The following MON2 variants were observed in gnomAD, a reference collection of about 807,000 sequenced individuals.
The protein encoded by MON2 is MON2 regulator of endosome-to-Golgi trafficking.
In MON2, 84 loss-of-function variants were observed where a neutral mutation model predicts 208.6. The ratio of observed to expected loss-of-function variants is 0.40; its 90% CI spans 0.34 to 0.48. The LOEUF is 0.48. MON2 is among the 20% of genes least tolerant of loss of function. The pLI, the probability that MON2 is intolerant of heterozygous loss-of-function variation, is 0.59. For missense variants in MON2, 1,611 were observed against 2,015.4 expected (o/e 0.80, Z 3.84); for synonymous variants, 660 against 694.0 (o/e 0.95, Z 0.77).
chr12:62,547,140 C>T (rs2073521783), intron 22 of MON2, 68 bp downstream of exon 22: 1 of 1,107,946 alleles, frequency 9.0e-7, no homozygotes, highest in African/African-American at 1.6e-5. Context: ...ATAAAATTAA[C>T]ATCAAAAAAG....
intron 22 of MON2, among the ~76,000 whole-genome samples, chr12:62,547,593 T>A (rs760714801): frequency 6.6e-6 from 1 of 152,238 alleles, no homozygotes; most frequent in Non-Finnish European, 1.5e-5. Flanking sequence ...GTAGTTATTC[T>A]GATTACACAG....
At position 62,580,423 on chromosome 12, in the gene MON2, A is replaced by T. The variant is rs757204378; in HGVS notation, c.4699+3A>T. On this transcript the variant is annotated splice_donor_region_variant and intron_variant, in intron 32 of 34. Transcript: ENST00000393630. ...TTCTCAGTCATCTTCATTTACAGGT[A>T]TGTTAATTTTTTTAAGTATTAAAAA... is the stretch of plus-strand genomic sequence containing the variant. The T allele has an allele frequency of 1.9e-6, 3 of 1,588,768 alleles. No homozygotes were observed. The highest frequency in any genetic ancestry group is 8.6e-7 in the Non-Finnish European group (1 of 1,163,768).
At chr12:62,492,146 A>G (rs1245479174) in intron 2 of MON2, among the ~76,000 whole-genome samples, 2 of 152,216 alleles carry the variant, frequency 1.3e-5, no homozygotes, top group African/African-American at 4.8e-5. Context: ...CGCAGGCTGT[A>G]GGAAGTTGTA....
chr12:62,524,087 A>C (rs2072211001), intron 8 of MON2, among the ~76,000 whole-genome samples: 2 of 152,096 alleles, frequency 1.3e-5, no homozygotes, highest in Admixed American at 1.3e-4. Flanking sequence ...TATACTAAGC[A>C]CCCTTTGGCT....
chr12:62,479,621 T>G (rs990825923), intron 1 of MON2, among the ~76,000 whole-genome samples: 1 of 152,148 alleles, frequency 6.6e-6, no homozygotes, highest in African/African-American at 2.4e-5. Flanking sequence ...AAGAAAATGT[T>G]TCTTGAGAAG....
At chr12:62,500,706 C>A in intron 5 of MON2, 77 bp from the exon 6 acceptor site, 3 of 663,448 alleles carry the variant, frequency 4.5e-6, no homozygotes, top group Admixed American at 3.3e-5. Context: ...TTATTTTAAA[C>A]ATTATCTTTT....
At chr12:62,534,757 G>T (rs986876716) in intron 12 of MON2, 88 bp from the exon 13 acceptor site, 1 of 888,066 alleles carries the variant, frequency 1.1e-6, no homozygotes, top group Non-Finnish European at 1.8e-6. Context: ...TTGACATATT[G>T]TCTGGGAAAA....
intron 20 of MON2, among the ~76,000 whole-genome samples, chr12:62,543,732 C>T (rs750135006): frequency 2.6e-5 from 4 of 152,034 alleles, no homozygotes; most frequent in African/African-American, 7.2e-5. Context: ...CTCAGCCTCC[C>T]GAGTAGCTGG....
At chr12:62,491,808 T>A (rs1346276120) in intron 2 of MON2, among the ~76,000 whole-genome samples, 1 of 152,236 alleles carries the variant, frequency 6.6e-6, no homozygotes, top group Non-Finnish European at 1.5e-5. Flanking sequence ...TAAGAGCTTT[T>A]AATTTGCCTG....
At chr12:62,475,409 G>C (rs2069016666) in intron 1 of MON2, among the ~76,000 whole-genome samples, 1 of 150,840 alleles carries the variant, frequency 6.6e-6, no homozygotes, top group Non-Finnish European at 1.5e-5. Context: ...GCTAATTTTT[G>C]TATTTTTGGT....
chr12:62,539,162 A>G (rs1174111516), intron 19 of MON2, among the ~76,000 whole-genome samples: 3 of 152,178 alleles, frequency 2.0e-5, no homozygotes, highest in Admixed American at 6.5e-5. Context: ...TAGTTTGACT[A>G]TTTACAAATA....
chr12:62,530,265 C>T (rs2072564186), intron 11 of MON2, among the ~76,000 whole-genome samples: 1 of 142,716 alleles, frequency 7.0e-6, no homozygotes, highest in Admixed American at 7.2e-5. Flanking sequence ...GAGTCTCGCT[C>T]TGTCACCCAG....
intron 30 of MON2, among the ~76,000 whole-genome samples, chr12:62,573,572 G>C (rs1362523791): frequency 6.6e-6 from 1 of 151,318 alleles, no homozygotes; most frequent in African/African-American, 2.4e-5. Flanking sequence ...AAAAAAAATG[G>C]TTTTCTATGT....
chr12:62,528,347 TAGA>T (rs2072447639), intron 11 of MON2, among the ~76,000 whole-genome samples: 1 of 152,192 alleles, frequency 6.6e-6, no homozygotes, highest in South Asian at 2.1e-4. Context: ...GATATATAGA[TAGA>T]AGTAGTTTGG....
chr12:62,592,010 A>C (rs2075411671), intron 34 of MON2, among the ~76,000 whole-genome samples: 1 of 152,192 alleles, frequency 6.6e-6, no homozygotes, highest in Non-Finnish European at 1.5e-5. Context: ...TTTGTTCATG[A>C]TAGTGGTGAA....
At chr12:62,469,134 G>A (rs1308394105) in intron 1 of MON2, among the ~76,000 whole-genome samples, 3 of 52,724 alleles carry the variant, frequency 5.7e-5, no homozygotes, top group Admixed American at 1.9e-4. Flanking sequence ...TTTTTTTTTT[G>A]TAGAGACGGG....
intron 30 of MON2, among the ~76,000 whole-genome samples, chr12:62,576,588 A>G (rs977151595): frequency 6.6e-6 from 1 of 152,024 alleles, no homozygotes; most frequent in Non-Finnish European, 1.5e-5. Flanking sequence ...ATGAAAATAA[A>G]TTTTTAAAGA....
chr12:62,511,154 C>T (rs2071376727), intron 8 of MON2, among the ~76,000 whole-genome samples: 2 of 152,116 alleles, frequency 1.3e-5, no homozygotes, highest in Admixed American at 6.6e-5. Context: ...GATTAAAAGA[C>T]TTAAAATTGT....
At chr12:62,544,828 T>A in intron 20 of MON2, 70 bp from the exon 21 acceptor site, 1 of 1,567,358 alleles carries the variant, frequency 6.4e-7, no homozygotes, top group African/African-American at 1.4e-5. Context: ...ACATTTGATA[T>A]AAAATGTAAA....
Sources: gnomAD v4.1 joint callset for allele counts (sites outside exome capture counted in the v4.1 genomes callset) on GRCh38, gnomAD v4.1.1 for gene constraint, MANE v1.5 for transcripts, NCBI Gene and HGNC (gene_info 2026-07-23, HGNC 2026-07-21) for gene names.